NEGR1: variants seen among roughly 807,000 people sequenced by gnomAD.
NEGR1 encodes the protein IgLON family member 4.
A neutral mutation model predicts 40.9 loss-of-function variants in NEGR1; 10 were observed. That is an observed-to-expected ratio of 0.24 (90% CI 0.15 to 0.42). The LOEUF is 0.42. Ranked by LOEUF, NEGR1 falls within the 10% of genes least tolerant of loss-of-function variation. The probability of loss-of-function intolerance (pLI) is 1.00; values close to 1 mark genes in which losing one functional copy is unlikely to be tolerated. For missense variants in NEGR1, 352 were observed against 438.9 expected (o/e 0.80, Z 1.77); for synonymous variants, 185 against 166.8 (o/e 1.11, Z -0.84).
At chr1:71,521,502 A>G (rs1327716161) in intron 6 of NEGR1, among the ~76,000 whole-genome samples, 1 of 152,016 alleles carries the variant, frequency 6.6e-6, no homozygotes, top group Non-Finnish European at 1.5e-5. Flanking sequence ...AACCTTTTGA[A>G]TAAGTAAGAG....
At chr1:72,037,578 T>C (rs189235801) in intron 1 of NEGR1, among the ~76,000 whole-genome samples, 2 of 152,260 alleles carry the variant, frequency 1.3e-5, no homozygotes, top group Admixed American at 1.3e-4. Flanking sequence ...TATAACTGCC[T>C]TCGTTGTCAT....
intron 2 of NEGR1, among the ~76,000 whole-genome samples, chr1:71,845,355 G>T (rs1215643937): frequency 6.6e-6 from 1 of 151,948 alleles, no homozygotes. Flanking sequence ...AGTAATTAAA[G>T]TTATTATTAT....
chr1:71,827,546 C>G (rs1205583743), intron 2 of NEGR1, among the ~76,000 whole-genome samples: 1 of 151,800 alleles, frequency 6.6e-6, no homozygotes, highest in East Asian at 1.9e-4. Flanking sequence ...AGAATAGGAC[C>G]AGTATTTGCT....
At chr1:72,040,057 A>G (rs1646938276) in intron 1 of NEGR1, among the ~76,000 whole-genome samples, 1 of 151,948 alleles carries the variant, frequency 6.6e-6, no homozygotes, top group South Asian at 2.1e-4. Context: ...ACATATACAA[A>G]ACCTTCAATA....
chr1:71,465,989 C>G (rs1030462674), intron 6 of NEGR1, among the ~76,000 whole-genome samples: 2 of 151,914 alleles, frequency 1.3e-5, no homozygotes, highest in African/African-American at 2.4e-5. Context: ...TATGTATTCT[C>G]TAATGGTTAA....
intron 1 of NEGR1, among the ~76,000 whole-genome samples, chr1:71,940,073 G>A (rs1574837): frequency 0.037 from 5,650 of 152,172 alleles, 361 homozygotes; most frequent in African/African-American, 0.13. Flanking sequence ...GTGTAAGGGG[G>A]AGTTCAGTGA....
intron 2 of NEGR1, among the ~76,000 whole-genome samples, chr1:71,816,206 T>C (rs1016432391): frequency 1.3e-5 from 2 of 152,082 alleles, no homozygotes; most frequent in African/African-American, 2.4e-5. Context: ...TAATTTGCTT[T>C]ATTATTATGT....
At chr1:71,939,169 C>T (rs770511098) in intron 1 of NEGR1, among the ~76,000 whole-genome samples, 3 of 152,094 alleles carry the variant, frequency 2.0e-5, no homozygotes, top group Non-Finnish European at 4.4e-5. Flanking sequence ...TTCTTCCCTG[C>T]AACTTTTTTC....
intron 1 of NEGR1, among the ~76,000 whole-genome samples, chr1:72,254,187 T>G (rs1330075501): frequency 2.6e-5 from 4 of 152,224 alleles, no homozygotes; most frequent in African/African-American, 9.6e-5. Context: ...GTAATGTGCT[T>G]ATTATGTAGT....
chr1:71,903,850 A>C (rs1661207228), intron 2 of NEGR1, among the ~76,000 whole-genome samples: 1 of 151,532 alleles, frequency 6.6e-6, no homozygotes, highest in African/African-American at 2.4e-5. Context: ...AAAATGATGT[A>C]TTTTTCTATT....
intron 6 of NEGR1, among the ~76,000 whole-genome samples, chr1:71,409,952 T>C (rs1646304720): frequency 6.6e-6 from 1 of 152,066 alleles, no homozygotes; most frequent in South Asian, 2.1e-4. Flanking sequence ...TCCTAAGTGC[T>C]GGGAATGCAG....
chr1:71,531,982 G>T (rs1269842270), intron 6 of NEGR1, among the ~76,000 whole-genome samples: 2 of 151,070 alleles, frequency 1.3e-5, no homozygotes, highest in Non-Finnish European at 3.0e-5. Flanking sequence ...CTAAAATTTA[G>T]TGCCATTTCT....
intron 1 of NEGR1, among the ~76,000 whole-genome samples, chr1:72,200,862 T>C (rs946508741): frequency 2.6e-5 from 4 of 151,944 alleles, no homozygotes; most frequent in Non-Finnish European, 4.4e-5. Context: ...GAGTGTATTT[T>C]ATTTTAGCAC....
chr1:71,548,759 A>T (rs1647982715), intron 6 of NEGR1, among the ~76,000 whole-genome samples: 2 of 151,832 alleles, frequency 1.3e-5, no homozygotes, highest in South Asian at 4.1e-4. Context: ...AGGCGGCTTT[A>T]AGAGCCCTGG....
intron 3 of NEGR1, among the ~76,000 whole-genome samples, chr1:71,728,177 G>A (rs886339831): frequency 6.6e-6 from 1 of 152,234 alleles, no homozygotes; most frequent in East Asian, 1.9e-4. Flanking sequence ...GAAGTGGGTT[G>A]CTTATATAGG....
Position 71,994,963 on chromosome 1 carries a change from G to A in NEGR1, c.177-59652C>T, listed in dbSNP as rs534787608. Among the ~76,000 whole-genome samples the A allele has an allele frequency of 1.6e-5, 2 of 122,558 alleles. 1 individual carries two copies. The highest frequency in any genetic ancestry group is 2.0e-4 in the Admixed American group (2 of 9,828). The allele number at this position is 122,558 out of a possible 152,430, so 80.4% of individuals were successfully genotyped here. ...CAGGATGTATGGCAATGCAATATAA[G>A]CATTAGGGAGACCTAAATCTCCAAA... is the stretch of plus-strand genomic sequence containing the variant. On this transcript the variant is annotated intron_variant, in intron 1 of 6. Transcript: ENST00000357731.
At chr1:71,596,063 AAGAG>A (rs1553152507) in intron 5 of NEGR1, among the ~76,000 whole-genome samples, 2 of 136,308 alleles carry the variant, frequency 1.5e-5, no homozygotes, top group South Asian at 4.7e-4. Context: ...AAAAAAAAAA[AAGAG>A]AAACAAATTC....
chr1:72,130,837 T>A (rs1325024916), intron 1 of NEGR1, among the ~76,000 whole-genome samples: 2 of 152,116 alleles, frequency 1.3e-5, no homozygotes, highest in Non-Finnish European at 2.9e-5. Context: ...TTATCTATAA[T>A]CATTCCTGTT....
rs543869667 is a variant in NEGR1, at chr1:71,974,853, A to G, written c.177-39542T>C. Among the ~76,000 whole-genome samples, 5 of 152,274 alleles carry G rather than the reference A, an allele frequency of 3.3e-5. No homozygotes were observed. The South Asian group carries it at 1.0e-3, about 32-fold the overall frequency. The stretch of plus-strand genomic sequence containing the variant: ...TCATGATGCTACATTATCTTTATTC[A>G]GTTTCCCACTGAAATTAATAGAAGC... On this transcript the variant is annotated intron_variant, in intron 1 of 6. Transcript: ENST00000357731.
Sources: allele counts gnomAD v4.1 joint callset (sites outside exome capture counted in the v4.1 genomes callset), GRCh38; gene constraint gnomAD v4.1.1; transcripts MANE v1.5; gene names NCBI Gene and HGNC (gene_info 2026-07-23, HGNC 2026-07-21).